CIB4: variants seen among roughly 807,000 people sequenced by gnomAD.
The protein encoded by CIB4 is calcium and integrin binding family member 4, also known as calcium and integrin-binding family member 4.
CIB4 carries 25 observed loss-of-function variants against 25.8 expected under a neutral mutation model. The ratio of observed to expected loss-of-function variants is 0.97; its 90% CI spans 0.71 to 1.35. The LOEUF (loss-of-function observed/expected upper bound fraction) is 1.35. Ranked by LOEUF, CIB4 falls within the 40% of genes most tolerant of loss-of-function variation. CIB4 has a pLI of 0.00. For missense variants in CIB4, 235 were observed against 228.2 expected (o/e 1.03, Z -0.19); for synonymous variants, 75 against 81.4 (o/e 0.92, Z 0.42).
intron 4 of CIB4, among the ~76,000 whole-genome samples, chr2:26,590,258 T>TAAAAAAAAAAAA (rs869097756): frequency 3.2e-5 from 2 of 61,824 alleles, no homozygotes; most frequent in African/African-American, 1.5e-4. Context: ...CAAGCATCTG[T>TAAAAAAAAAAAA]AAAAAAAAAA....
In CIB4 at chr2:26,595,029, G is replaced by A. The variant is rs1668653264; in HGVS notation, c.328+147C>T. On this transcript the variant is annotated intron_variant, in intron 4 of 6. Transcript: ENST00000288861. ...CTCAATCTTTTTTTTTTATTCCATG[G>A]TACATGCAAAATATGACACAGACCC... is the stretch of plus-strand genomic sequence containing the variant. 3 of 705,434 alleles carry A rather than the reference G, an allele frequency of 4.3e-6. No homozygotes were observed. In the South Asian group the frequency reaches 7.2e-5, roughly 17 times the overall value. The allele number at this position is 705,434 out of a possible 1,614,324, so 43.7% of individuals were successfully genotyped here.
chr2:26,597,412 G>C (rs868203204), intron 3 of CIB4, among the ~76,000 whole-genome samples: 1 of 148,276 alleles, frequency 6.7e-6, no homozygotes, highest in African/African-American at 2.5e-5. Context: ...CTTTGGATCA[G>C]TTACGACAGC....
intron 1 of CIB4, 84 bp downstream of exon 1, chr2:26,641,177 C>T (rs1157283587): frequency 1.2e-5 from 14 of 1,167,482 alleles, no homozygotes; most frequent in East Asian, 1.2e-4. Context: ...CCTGCTAGAG[C>T]GTCAGGAAGG....
Position 26,641,247 on chromosome 2 carries a change from C to T in CIB4, c.54+14G>A, listed in dbSNP as rs755693055. 1.7e-5 allele frequency: 28 copies of T among 1,608,720 alleles called. No individual in the cohort carries two copies. The East Asian group carries it at 5.8e-4, about 33-fold the overall frequency. ...TCCCACCTCTGCCCAGAGTCCCTAGCCCGATCTACCCACCTGGTACTCTTC... is the reference window on the plus strand; with the variant it reads ...TCCCACCTCTGCCCAGAGTCCCTAGTCCGATCTACCCACCTGGTACTCTTC... On this transcript the variant is annotated intron_variant, in intron 1 of 6. Transcript: ENST00000288861.
intron 4 of CIB4, among the ~76,000 whole-genome samples, chr2:26,587,304 CAAAAAAAAA>C (rs71399396): frequency 3.3e-4 from 20 of 61,470 alleles, no homozygotes; most frequent in Non-Finnish European, 3.9e-4. Context: ...GACTCCGTCT[CAAAAAAAAA>C]AAAAAAAAAA....
At chr2:26,598,012 T>C (rs375517050) in intron 3 of CIB4, among the ~76,000 whole-genome samples, 11 of 151,986 alleles carry the variant, frequency 7.2e-5, no homozygotes, top group African/African-American at 2.7e-4. Context: ...ATAAAAAACA[T>C]TTTTTGGCCG....
chr2:26,583,332 C>T (rs944605292), intron 5 of CIB4, among the ~76,000 whole-genome samples: 5 of 152,130 alleles, frequency 3.3e-5, no homozygotes, highest in African/African-American at 4.8e-5. Flanking sequence ...AGATCCATGC[C>T]CTGACTTGAG....
At chr2:26,625,540 C>T (rs962548786) in intron 3 of CIB4, among the ~76,000 whole-genome samples, 2 of 152,028 alleles carry the variant, frequency 1.3e-5, no homozygotes, top group Non-Finnish European at 2.9e-5. Context: ...TTAGTAGAGA[C>T]GGGGTTTTTC....
chr2:26,584,702 G>A (rs1668416814), intron 4 of CIB4, among the ~76,000 whole-genome samples: 1 of 152,224 alleles, frequency 6.6e-6, no homozygotes, highest in Admixed American at 6.5e-5. Flanking sequence ...GGAGCCTGCA[G>A]ACCATGGCAG....
At chr2:26,617,566 G>C (rs534553654) in intron 3 of CIB4, among the ~76,000 whole-genome samples, 173 of 152,320 alleles carry the variant, frequency 1.1e-3, no homozygotes, top group Non-Finnish European at 2.3e-3. Context: ...GACTAGGGCA[G>C]AGAACATTTG....
rs544420654 is a variant in CIB4 at position 26,634,511 on chromosome 2, G to T, written c.90-5005C>A. ...GCCAGGTATTGCTCTAACAATGACA[G>T]ATTTGATCTTCTGGTTGTCCTAATA... On this transcript the variant is annotated intron_variant, in intron 2 of 6. Transcript: ENST00000288861. 8.5e-5 allele frequency among the ~76,000 whole-genome samples: 13 copies of T among 152,326 alleles called. No individual in the cohort carries two copies. The East Asian group carries it at 2.5e-3, about 29-fold the overall frequency.
chr2:26,635,341 G>A (rs925317283), intron 2 of CIB4, among the ~76,000 whole-genome samples: 1 of 152,214 alleles, frequency 6.6e-6, no homozygotes, highest in Admixed American at 6.5e-5. Context: ...TGCAGATCTG[G>A]TGACCAGGCC....
Position 26,582,821 on chromosome 2 carries a change from T to C in CIB4, c.527+4A>G. 6.2e-7 allele frequency: 1 copy of C among 1,601,726 alleles called. No homozygotes were observed. Among genetic ancestry groups the C allele is most frequent in the Non-Finnish European group, 8.6e-7 (1 of 1,168,904 alleles). On this transcript the variant is annotated splice_donor_region_variant and intron_variant, in intron 6 of 6. Transcript: ENST00000288861. The stretch of plus-strand genomic sequence containing the variant: ...ACAGTCTCACCCCCTCCAGAATGCC[T>C]TACTTCATGAAATCTGGAGACTTGG...
chr2:26,614,632 C>A (rs770933027), intron 3 of CIB4, among the ~76,000 whole-genome samples: 6 of 152,140 alleles, frequency 3.9e-5, no homozygotes, highest in Admixed American at 2.6e-4. Flanking sequence ...CTCCATCTCC[C>A]GAGCCTCCAT....
At chr2:26,584,614 T>C (rs576301010) in intron 4 of CIB4, among the ~76,000 whole-genome samples, 1 of 152,180 alleles carries the variant, frequency 6.6e-6, no homozygotes, top group South Asian at 2.1e-4. Flanking sequence ...TGAAATGGAG[T>C]CCAGAATTGG....
intron 3 of CIB4, among the ~76,000 whole-genome samples, chr2:26,606,047 C>T (rs535870946): frequency 2.0e-5 from 3 of 152,180 alleles, no homozygotes; most frequent in East Asian, 1.9e-4. Flanking sequence ...GGGGGAGGCG[C>T]GGGGGAGGGC....
intron 4 of CIB4, among the ~76,000 whole-genome samples, chr2:26,589,716 G>A (rs1445329660): frequency 6.6e-6 from 1 of 152,192 alleles, no homozygotes; most frequent in Non-Finnish European, 1.5e-5. Flanking sequence ...AGCTTAAAAT[G>A]TGTAGCTGGA....
chr2:26,583,485 G>A (rs1668390832), intron 5 of CIB4, among the ~76,000 whole-genome samples: 2 of 152,162 alleles, frequency 1.3e-5, no homozygotes, highest in Non-Finnish European at 2.9e-5. Flanking sequence ...CTGTCATGTA[G>A]GGAGGCCCCT....
At chr2:26,632,628 C>T (rs866842607) in intron 2 of CIB4, among the ~76,000 whole-genome samples, 8 of 152,106 alleles carry the variant, frequency 5.3e-5, no homozygotes, top group Non-Finnish European at 7.4e-5. Flanking sequence ...CATGGTGGCG[C>T]GCATCCATAA....
Sources: gnomAD v4.1 joint callset for allele counts (sites outside exome capture counted in the v4.1 genomes callset) on GRCh38, gnomAD v4.1.1 for gene constraint, MANE v1.5 for transcripts, NCBI Gene and HGNC (gene_info 2026-07-23, HGNC 2026-07-21) for gene names.